AKAP19: variants seen among roughly 807,000 people sequenced by gnomAD.
AKAP19 encodes the protein A-kinase anchoring protein 19.
At chr2:189,968,320 C>T in the AKAP19 span, among the ~76,000 whole-genome samples, 3 of 152,246 alleles carry the variant, frequency 2.0e-5, no homozygotes, top group South Asian at 6.2e-4. Flanking sequence ...TCTCTTTAGC[C>T]TCAAATTCCT....
the AKAP19 span, among the ~76,000 whole-genome samples, chr2:189,893,928 A>T: frequency 6.6e-6 from 1 of 152,178 alleles, no homozygotes; most frequent in Non-Finnish European, 1.5e-5. Context: ...GCATATCAAG[A>T]GATGACTGTA....
chr2:190,012,927 C>T, the AKAP19 span, among the ~76,000 whole-genome samples: 1 of 152,056 alleles, frequency 6.6e-6, no homozygotes, highest in Non-Finnish European at 1.5e-5. Context: ...ATTTATGTAT[C>T]TTGAACCATC....
the AKAP19 span, among the ~76,000 whole-genome samples, chr2:189,975,411 A>G: frequency 6.6e-6 from 1 of 152,074 alleles, no homozygotes; most frequent in Non-Finnish European, 1.5e-5. Flanking sequence ...GCTGCCCTTA[A>G]CGTTTTTTCC....
the AKAP19 span, among the ~76,000 whole-genome samples, chr2:190,052,085 C>T: frequency 5.9e-5 from 9 of 152,106 alleles, no homozygotes; most frequent in South Asian, 8.3e-4. Context: ...GTGATCCGCC[C>T]GCCTCAGCCT....
chr2:189,981,938 C>A, the AKAP19 span, among the ~76,000 whole-genome samples: 1 of 152,068 alleles, frequency 6.6e-6, no homozygotes, highest in African/African-American at 2.4e-5. Context: ...CTAAGATTTT[C>A]TTCTTTCACA....
the AKAP19 span, among the ~76,000 whole-genome samples, chr2:190,090,101 ACC>A: frequency 6.6e-6 from 1 of 151,940 alleles, no homozygotes; most frequent in African/African-American, 2.4e-5. Context: ...CCTTATAACT[ACC>A]TGCCTGCTCC....
chr2:190,092,006 T>G, the AKAP19 span, among the ~76,000 whole-genome samples: 1 of 152,206 alleles, frequency 6.6e-6, no homozygotes, highest in Admixed American at 6.5e-5. Context: ...TTTTTACACA[T>G]TTTTAAATGA....
chr2:190,072,844 T>C, the AKAP19 span, among the ~76,000 whole-genome samples: 1 of 152,162 alleles, frequency 6.6e-6, no homozygotes, highest in Admixed American at 6.5e-5. Context: ...AGGAAACAAC[T>C]GCTGTGTTTA....
the AKAP19 span, among the ~76,000 whole-genome samples, chr2:189,911,624 A>T: frequency 6.6e-6 from 1 of 152,158 alleles, no homozygotes; most frequent in South Asian, 2.1e-4. Flanking sequence ...TTTATTGTAT[A>T]CAATATGAAT....
chr2:189,935,779 T>C, the AKAP19 span, among the ~76,000 whole-genome samples: 1 of 152,268 alleles, frequency 6.6e-6, no homozygotes, highest in South Asian at 2.1e-4. Context: ...CAATGACTTG[T>C]TCTTTAACTT....
At chr2:189,976,995 G>C in the AKAP19 span, among the ~76,000 whole-genome samples, 1 of 152,114 alleles carries the variant, frequency 6.6e-6, no homozygotes, top group South Asian at 2.1e-4. Context: ...TGCACCCACT[G>C]TCCAACAAGC....
the AKAP19 span, among the ~76,000 whole-genome samples, chr2:189,969,346 C>G: frequency 6.6e-6 from 1 of 152,128 alleles, no homozygotes; most frequent in African/African-American, 2.4e-5. Flanking sequence ...CTGCTGGCAC[C>G]TTGACCTTGG....
the AKAP19 span, among the ~76,000 whole-genome samples, chr2:189,888,238 G>T: frequency 5.1e-4 from 78 of 152,268 alleles, no homozygotes; most frequent in Non-Finnish European, 9.4e-4. Context: ...GTTTTTGTCA[G>T]GTTTATCAAA....
the AKAP19 span, among the ~76,000 whole-genome samples, chr2:190,021,109 T>C: frequency 1.3e-5 from 2 of 152,212 alleles, no homozygotes; most frequent in South Asian, 2.1e-4. Flanking sequence ...AAATACCTAT[T>C]TGAGTCCCTG....
chr2:190,016,865 C>T, the AKAP19 span, among the ~76,000 whole-genome samples: 6 of 152,098 alleles, frequency 3.9e-5, no homozygotes, highest in Non-Finnish European at 8.8e-5. Context: ...ATGATCTGTT[C>T]ATTATTAAAA....
chr2:190,195,944 T>TTTC, the AKAP19 span, among the ~76,000 whole-genome samples: 5 of 140,476 alleles, frequency 3.6e-5, no homozygotes, highest in Admixed American at 7.0e-5. Context: ...TGTCCAGCTT[T>TTTC]TTTTTTTTTT....
chr2:189,889,878 C>A, the AKAP19 span, among the ~76,000 whole-genome samples: 1 of 152,094 alleles, frequency 6.6e-6, no homozygotes. Context: ...AAAACCAGGT[C>A]TTGGATTGAT....
the AKAP19 span, among the ~76,000 whole-genome samples, chr2:190,018,038 A>G: frequency 6.6e-6 from 1 of 152,096 alleles, no homozygotes; most frequent in African/African-American, 2.4e-5. Context: ...ACTACCTTGT[A>G]TATGATATGT....
the AKAP19 span, among the ~76,000 whole-genome samples, chr2:190,179,155 C>T: frequency 1.3e-5 from 2 of 152,242 alleles, no homozygotes; most frequent in Non-Finnish European, 2.9e-5. This position sits in a 1 kb window ranked among gnomAD's most constrained non-coding sequence, Gnocchi z 6.0. Context: ...CACCTGTAAT[C>T]CCAGCACTTT....
Sources: gnomAD v4.1 joint callset for allele counts (sites outside exome capture counted in the v4.1 genomes callset) on GRCh38, gnomAD v4.1.1 for gene constraint, Gnocchi (gnomAD v3.1) non-coding constraint, MANE v1.5 for transcripts, NCBI Gene and HGNC (gene_info 2026-07-23, HGNC 2026-07-21) for gene names.